DTNA: variants seen among roughly 807,000 people sequenced by gnomAD.
DTNA encodes dystrophin-related protein 3.
DTNA carries 43 observed loss-of-function variants against 100.7 expected under a neutral mutation model. That is an observed-to-expected ratio of 0.43 (90% CI 0.33 to 0.55). The LOEUF is 0.55. Ranked by LOEUF, DTNA falls within the 20% of genes least tolerant of loss-of-function variation. The pLI, the probability that DTNA is intolerant of heterozygous loss-of-function variation, is 0.04. For missense variants in DTNA, 798 were observed against 953.9 expected, an observed-to-expected ratio of 0.84 and a Z score of 2.15; for synonymous variants, 349 against 347.9, an observed-to-expected ratio of 1.00 and a Z score of -0.04.
chr18:34,777,917 A>T (rs1345573603), intron 3 of DTNA, among the ~76,000 whole-genome samples: 1 of 152,174 alleles, frequency 6.6e-6, no homozygotes, highest in African/African-American at 2.4e-5. Flanking sequence ...CTCTTAAGTG[A>T]TCTGAACTTT....
intron 17 of DTNA, among the ~76,000 whole-genome samples, chr18:34,865,801 G>C (rs1438008190): frequency 6.6e-6 from 1 of 152,220 alleles, no homozygotes; most frequent in Non-Finnish European, 1.5e-5. Flanking sequence ...TGGGATAGAA[G>C]TCTATTCACC....
chr18:34,663,319 G>A (rs116724744), intron 1 of DTNA, among the ~76,000 whole-genome samples: 3,675 of 151,914 alleles, frequency 0.024, 139 homozygotes, highest in African/African-American at 0.083. Flanking sequence ...CACCACGCCT[G>A]GCTAATTTTT....
At chr18:34,858,238 T>C (rs760376557) in intron 15 of DTNA, 47 bp from the exon 16 acceptor site, 1 of 1,583,358 alleles carries the variant, frequency 6.3e-7, no homozygotes, top group Non-Finnish European at 8.7e-7. Context: ...GTTAGTTTCC[T>C]GAAAGCTAAC....
At chr18:34,550,520 C>G (rs999677409) in intron 1 of DTNA, among the ~76,000 whole-genome samples, 48 of 152,084 alleles carry the variant, frequency 3.2e-4, no homozygotes, top group African/African-American at 1.2e-3. Flanking sequence ...TTTTTTAATA[C>G]ATTTTCCAAA....
At chr18:34,773,164 A>G (rs1249902955) in intron 3 of DTNA, among the ~76,000 whole-genome samples, 1 of 152,190 alleles carries the variant, frequency 6.6e-6, no homozygotes. Flanking sequence ...CTCAGATGAT[A>G]TCCATATTTT....
intron 1 of DTNA, among the ~76,000 whole-genome samples, chr18:34,607,478 G>C (rs1448738731): frequency 6.6e-6 from 1 of 152,026 alleles, no homozygotes; most frequent in African/African-American, 2.4e-5. Flanking sequence ...TTTCTACTTT[G>C]ATTCTGTAGA....
chr18:34,784,064 A>T (rs1215967937), intron 3 of DTNA, among the ~76,000 whole-genome samples: 26 of 152,238 alleles, frequency 1.7e-4, no homozygotes, highest in Non-Finnish European at 5.9e-5. Context: ...AGCTGATTAT[A>T]CCTAGGGATG....
At chr18:34,569,886 TACACACACACAC>T (rs143877334) in intron 1 of DTNA, among the ~76,000 whole-genome samples, 2 of 147,316 alleles carry the variant, frequency 1.4e-5, no homozygotes, top group East Asian at 4.0e-4. Flanking sequence ...CATACACACA[TACACACACACAC>T]ACACACACAC....
At chr18:34,637,519 C>G (rs370536764) in intron 1 of DTNA, among the ~76,000 whole-genome samples, 3 of 152,178 alleles carry the variant, frequency 2.0e-5, no homozygotes, top group Non-Finnish European at 4.4e-5. Context: ...AAAGCCTATT[C>G]CGTTTGGCTC....
chr18:34,525,453 T>C (rs576865767), intron 1 of DTNA, among the ~76,000 whole-genome samples: 1 of 152,266 alleles, frequency 6.6e-6, no homozygotes, highest in Admixed American at 6.5e-5. Context: ...TCCTTCTGTC[T>C]GAGCCCCACA....
chr18:34,580,475 G>A (rs1039904305), intron 1 of DTNA, among the ~76,000 whole-genome samples: 6 of 152,008 alleles, frequency 3.9e-5, no homozygotes, highest in East Asian at 3.9e-4. Context: ...GTGTGGGGTC[G>A]GGGGGATGCA....
chr18:34,750,115 T>C (rs1478368388), intron 1 of DTNA, among the ~76,000 whole-genome samples: 2 of 152,220 alleles, frequency 1.3e-5, no homozygotes, highest in Admixed American at 6.5e-5. Flanking sequence ...AGCATGGTAA[T>C]GCTGTCATCA....
intron 13 of DTNA, among the ~76,000 whole-genome samples, chr18:34,846,754 A>G (rs1469018977): frequency 6.6e-6 from 1 of 152,184 alleles, no homozygotes; most frequent in African/African-American, 2.4e-5. Flanking sequence ...GGAAGAACAT[A>G]ATTACTTTCA....
chr18:34,846,803 G>A (rs2096387575), intron 13 of DTNA, among the ~76,000 whole-genome samples: 1 of 152,120 alleles, frequency 6.6e-6, no homozygotes, highest in Non-Finnish European at 1.5e-5. Context: ...AAAACACTAT[G>A]TTTCATGTTT....
chr18:34,496,458 C>T (rs1470210596), intron 1 of DTNA, among the ~76,000 whole-genome samples: 1 of 152,190 alleles, frequency 6.6e-6, no homozygotes, highest in African/African-American at 2.4e-5. Flanking sequence ...TTTCTAGCGT[C>T]TGTTACTTAT....
intron 1 of DTNA, among the ~76,000 whole-genome samples, chr18:34,499,355 A>G (rs1263794894): frequency 2.6e-5 from 4 of 152,226 alleles, no homozygotes; most frequent in East Asian, 1.9e-4. Flanking sequence ...TGTGGCATAC[A>G]TGAGCTATAG....
intron 1 of DTNA, among the ~76,000 whole-genome samples, chr18:34,568,242 A>C (rs1327261891): frequency 2.0e-5 from 3 of 152,056 alleles, no homozygotes; most frequent in Non-Finnish European, 2.9e-5. Context: ...ACTCAGCACA[A>C]TGTAGCCTCA....
intron 1 of DTNA, among the ~76,000 whole-genome samples, chr18:34,686,556 A>G (rs867632711): frequency 1.2e-4 from 18 of 152,136 alleles, no homozygotes; most frequent in African/African-American, 4.3e-4. Flanking sequence ...GTTATTGAAG[A>G]TTTTTGCATC....
chr18:34,783,057 G>C (rs2094392287), intron 3 of DTNA, among the ~76,000 whole-genome samples: 1 of 152,142 alleles, frequency 6.6e-6, no homozygotes, highest in African/African-American at 2.4e-5. Context: ...CTTCTAAAGT[G>C]ATTAATATTC....
Sources: allele counts gnomAD v4.1 joint callset (sites outside exome capture counted in the v4.1 genomes callset), GRCh38; gene constraint gnomAD v4.1.1; transcripts MANE v1.5; gene names NCBI Gene and HGNC (gene_info 2026-07-23, HGNC 2026-07-21).